The following GRM7 variants were observed in gnomAD, a reference collection of about 807,000 sequenced individuals.
GRM7 encodes glutamate metabotropic receptor 7.
GRM7 carries 35 observed loss-of-function variants against 84.5 expected under a neutral mutation model. The ratio of observed to expected loss-of-function variants is 0.41; its 90% CI spans 0.32 to 0.55. GRM7 has a LOEUF of 0.55. Ranked by LOEUF, GRM7 falls within the 20% of genes least tolerant of loss-of-function variation. The pLI, the probability that GRM7 is intolerant of heterozygous loss-of-function variation, is 0.19. For missense variants in GRM7, 1,003 were observed against 1,194.6 expected, an observed-to-expected ratio of 0.84 and a Z score of 2.36; for synonymous variants, 487 against 455.1, an observed-to-expected ratio of 1.07 and a Z score of -0.89.
chr3:7,432,053 G>T (rs1444117690), intron 5 of GRM7, among the ~76,000 whole-genome samples: 1 of 152,170 alleles, frequency 6.6e-6, no homozygotes. Flanking sequence ...ACAAGGTAGA[G>T]TTGCTAAATC....
chr3:7,449,685 T>C (rs778972039), intron 5 of GRM7, among the ~76,000 whole-genome samples: 3 of 152,094 alleles, frequency 2.0e-5, no homozygotes, highest in Non-Finnish European at 4.4e-5. Flanking sequence ...AAATTTGACA[T>C]ATAGTAAAGG....
At chr3:7,017,047 C>A (rs1695592041) in intron 1 of GRM7, among the ~76,000 whole-genome samples, 1 of 152,202 alleles carries the variant, frequency 6.6e-6, no homozygotes, top group South Asian at 2.1e-4. Flanking sequence ...TGAGCCCCAG[C>A]TGCTTCAGAG....
intron 1 of GRM7, among the ~76,000 whole-genome samples, chr3:6,929,632 G>A (rs1266297326): frequency 6.6e-6 from 1 of 152,112 alleles, no homozygotes; most frequent in Non-Finnish European, 1.5e-5. Context: ...AAAACTAGAG[G>A]ACAGGTATTG....
intron 4 of GRM7, among the ~76,000 whole-genome samples, chr3:7,390,609 AG>A (rs1256157374): frequency 1.3e-5 from 2 of 151,868 alleles, no homozygotes; most frequent in African/African-American, 4.8e-5. Context: ...CTGGTCTTTG[AG>A]CTCTAAAATT....
intron 2 of GRM7, among the ~76,000 whole-genome samples, chr3:7,209,334 A>G (rs757628594): frequency 1.3e-5 from 2 of 152,212 alleles, no homozygotes; most frequent in Admixed American, 1.3e-4. Context: ...AAGAAAGACC[A>G]ATGCCTGGAA....
At chr3:7,718,436 T>G (rs1701837119) in intron 9 of GRM7, among the ~76,000 whole-genome samples, 1 of 152,156 alleles carries the variant, frequency 6.6e-6, no homozygotes, top group African/African-American at 2.4e-5. Flanking sequence ...AGAGAAGGCC[T>G]TGAACCCAGG....
chr3:7,581,228 C>T (rs1426206460), intron 8 of GRM7, among the ~76,000 whole-genome samples: 5 of 152,086 alleles, frequency 3.3e-5, no homozygotes, highest in African/African-American at 1.2e-4. Context: ...CATTTAAAAA[C>T]CTGAAATTGA....
chr3:7,108,774 C>T (rs1692741933), intron 1 of GRM7, among the ~76,000 whole-genome samples: 2 of 152,128 alleles, frequency 1.3e-5, no homozygotes, highest in African/African-American at 2.4e-5. Flanking sequence ...TACAAAAAGA[C>T]CACTTATGTG....
chr3:6,919,902 G>C (rs1437648059), intron 1 of GRM7, among the ~76,000 whole-genome samples: 1 of 152,090 alleles, frequency 6.6e-6, no homozygotes, highest in Non-Finnish European at 1.5e-5. Flanking sequence ...AACCAGGTGA[G>C]GTGCTAAAAC....
intron 1 of GRM7, among the ~76,000 whole-genome samples, chr3:6,868,555 A>G (rs920697473): frequency 6.6e-6 from 1 of 152,216 alleles, no homozygotes; most frequent in Admixed American, 6.5e-5. Context: ...ATTCAAATAA[A>G]TGAGAAAAGA....
At chr3:7,100,019 A>G (rs1699056446) in intron 1 of GRM7, among the ~76,000 whole-genome samples, 1 of 148,752 alleles carries the variant, frequency 6.7e-6, no homozygotes, top group Non-Finnish European at 1.5e-5. Flanking sequence ...CATATATGTA[A>G]TATACATATA....
At chr3:7,254,070 A>G (rs918059085) in intron 2 of GRM7, among the ~76,000 whole-genome samples, 2 of 152,090 alleles carry the variant, frequency 1.3e-5, no homozygotes, top group Admixed American at 1.3e-4. Flanking sequence ...TATCTTCTTT[A>G]TACATCAGGA....
intron 4 of GRM7, among the ~76,000 whole-genome samples, chr3:7,372,805 G>A (rs1344890625): frequency 2.6e-5 from 4 of 151,982 alleles, no homozygotes; most frequent in South Asian, 2.1e-4. Context: ...GTATGTGACA[G>A]GGGTGTGTCA....
chr3:7,203,929 T>C (rs756059084), intron 2 of GRM7, among the ~76,000 whole-genome samples: 4 of 152,202 alleles, frequency 2.6e-5, no homozygotes, highest in African/African-American at 4.8e-5. Context: ...AAAATTTAAC[T>C]ATGTTAAGAG....
chr3:7,530,164 C>A (rs1419517581), intron 7 of GRM7, among the ~76,000 whole-genome samples: 1 of 138,272 alleles, frequency 7.2e-6, no homozygotes, highest in South Asian at 2.6e-4. Context: ...CATTGTTCAA[C>A]TCCCAATTAT....
intron 7 of GRM7, among the ~76,000 whole-genome samples, chr3:7,525,249 A>G (rs1700749028): frequency 6.6e-6 from 1 of 152,092 alleles, no homozygotes; most frequent in Admixed American, 6.6e-5. Flanking sequence ...CATGTACCCT[A>G]AAACTTAAAG....
intron 4 of GRM7, among the ~76,000 whole-genome samples, chr3:7,351,130 T>C (rs1028697275): frequency 1.3e-5 from 2 of 152,052 alleles, no homozygotes; most frequent in Admixed American, 1.3e-4. Context: ...TCTTCTCTCA[T>C]AGAAAGAAGT....
At chr3:7,200,404 C>T (rs1696025223) in intron 2 of GRM7, among the ~76,000 whole-genome samples, 1 of 152,062 alleles carries the variant, frequency 6.6e-6, no homozygotes, top group Admixed American at 6.6e-5. Context: ...TCTGCCCTAC[C>T]CAGGATTTCT....
intron 1 of GRM7, among the ~76,000 whole-genome samples, chr3:7,019,867 C>T (rs946408724): frequency 4.6e-5 from 7 of 152,204 alleles, no homozygotes; most frequent in African/African-American, 1.7e-4. Context: ...AAAACAATAA[C>T]AACTATTTTT....
Sources: gnomAD v4.1 joint callset for allele counts (sites outside exome capture counted in the v4.1 genomes callset) on GRCh38, gnomAD v4.1.1 for gene constraint, MANE v1.5 for transcripts, NCBI Gene and HGNC (gene_info 2026-07-23, HGNC 2026-07-21) for gene names.